UPF2: variants seen among roughly 807,000 people sequenced by gnomAD.
UPF2 encodes the protein regulator of nonsense transcripts 2.
In UPF2, 17 loss-of-function variants were observed where a neutral mutation model predicts 141.4. That is an observed-to-expected ratio of 0.12 (90% CI 0.08 to 0.18). The LOEUF is 0.18. UPF2 is among the 10% of genes least tolerant of loss of function. UPF2 has a pLI of 1.00. For missense variants in UPF2, 1,152 were observed against 1,515.9 expected, an observed-to-expected ratio of 0.76 and a Z score of 3.99; for synonymous variants, 540 against 498.0, an observed-to-expected ratio of 1.08 and a Z score of -1.12.
chr10:12,034,946 C>T, intron 2 of UPF2, 113 bp downstream of exon 2: 1 of 1,430,992 alleles, frequency 7.0e-7, no homozygotes, highest in Non-Finnish European at 9.3e-7. Context: ...TTAAGATACT[C>T]CCAATTCTTA....
At chr10:12,035,770 GTCATTT>G in intron 1 of UPF2, 1 of 177,036 alleles carries the variant, frequency 5.6e-6, no homozygotes. Context: ...AAAACAATAT[GTCATTT>G]AATTGTAAAT....
At position 12,021,796 on chromosome 10, in the gene UPF2, T is replaced by A. The variant is rs1302918275; in HGVS notation, c.1145+6949A>T. ...AAGACCCCAGAAAAACTGCTGGGTT[T>A]TATATCTCCTCCAGCATTCTGTCCA... On this transcript the variant is annotated intron_variant, in intron 3 of 21. Coordinates refer to ENST00000357604, the MANE Select transcript of UPF2 (RefSeq NM_015542.4). Among the ~76,000 whole-genome samples the A allele has an allele frequency of 2.6e-5, 4 of 152,110 alleles. No individual in the cohort carries two copies. In the East Asian group the frequency reaches 7.7e-4, roughly 29 times the overall value.
rs373946522 is a variant in UPF2, at chr10:11,967,819, T to G, written c.1954-365A>C. On this transcript the variant is annotated intron_variant, in intron 9 of 21. Transcript: ENST00000357604. ...ATCCACCCACCACAGCCTCTCAAAG[T>G]GCTGGGATTAGAGGCGTGAGCCACC... is the stretch of plus-strand genomic sequence containing the variant. 6.6e-5 allele frequency among the ~76,000 whole-genome samples: 10 copies of G among 152,290 alleles called. No homozygotes were observed. The East Asian group carries it at 1.9e-3, about 29-fold the overall frequency.
At chr10:12,035,501 A>G (rs1398609344) in intron 1 of UPF2, 60 bp from the exon 2 acceptor site, 2 of 1,454,042 alleles carry the variant, frequency 1.4e-6, no homozygotes, top group Non-Finnish European at 1.8e-6. Flanking sequence ...ATGATATCAC[A>G]CTATTTTTTT....
chr10:12,037,523 G>A (rs913264329), intron 1 of UPF2, among the ~76,000 whole-genome samples: 9 of 150,036 alleles, frequency 6.0e-5, no homozygotes, highest in Non-Finnish European at 1.5e-5. Flanking sequence ...AGCCTCCCAA[G>A]TACCTGAGAT....
chr10:11,967,583 C>A (rs1833342192), intron 9 of UPF2, 129 bp from the exon 10 acceptor site: 4 of 547,016 alleles, frequency 7.3e-6, no homozygotes, highest in Non-Finnish European at 1.2e-5. Context: ...CAGAGTTTCG[C>A]TTGTTACCCA....
At position 12,035,074 on chromosome 10, in the gene UPF2, G is replaced by GCTT. The variant is rs756834742; in HGVS notation, c.347_349dup (p.Glu116dup). On this transcript the variant is annotated inframe_insertion, in exon 2 of 22. Transcript: ENST00000357604. ...ACTGCCTTACTTCATCTGAGCAGCT[G>GCTT]CTTCTTCTTCTTGCTGACGTTTGGC... The GCTT allele has an allele frequency of 9.6e-6, 15 of 1,568,778 alleles. No individual in the cohort carries two copies. In the African/African-American group the frequency reaches 1.8e-4, roughly 19 times the overall value.
intron 10 of UPF2, among the ~76,000 whole-genome samples, chr10:11,966,749 C>T (rs747662787): frequency 1.3e-5 from 2 of 152,156 alleles, no homozygotes; most frequent in African/African-American, 2.4e-5. Flanking sequence ...TACTTCATGG[C>T]TTTGTCAAAA....
chr10:11,923,637 G>A (rs549561471), intron 21 of UPF2, among the ~76,000 whole-genome samples: 6 of 143,268 alleles, frequency 4.2e-5, no homozygotes, highest in South Asian at 2.2e-4. Flanking sequence ...CAGAGATCAC[G>A]CCACTGCACT....
chr10:12,028,764 T>G lies in UPF2; in HGVS notation c.1126A>C (p.Asn376His). Residue 376 changes from asparagine (N) to histidine (H), a missense_variant, in exon 3 of 22, where the codon AAT (asparagine) becomes CAT (histidine). Asn to His is a moderately conservative substitution (Grantham distance 68). Coordinates refer to ENST00000357604, the MANE Select transcript of UPF2 (RefSeq NM_015542.4). ...AATCACCTGTTTTGTCTCTCAGTAT[T>G]CTGGAGCTCCCTGTGGTCCCTTTTC... ...HLKRDHRELQ[N>H]TERQNRRILH... 6.2e-7 allele frequency: 1 copy of G among 1,601,458 alleles called. No individual in the cohort carries two copies. Among genetic ancestry groups the G allele is most frequent in the Non-Finnish European group, 8.5e-7 (1 of 1,175,446 alleles).
At chr10:11,958,818 C>T (rs1030745125) in intron 12 of UPF2, among the ~76,000 whole-genome samples, 1 of 152,126 alleles carries the variant, frequency 6.6e-6, no homozygotes, top group Non-Finnish European at 1.5e-5. Flanking sequence ...GATCATGGGC[C>T]TCTTATAACG....
At chr10:11,962,328 C>T (rs184256882) in intron 11 of UPF2, among the ~76,000 whole-genome samples, 13 of 152,272 alleles carry the variant, frequency 8.5e-5, no homozygotes, top group Non-Finnish European at 1.8e-4. Context: ...GTGCTTCAAA[C>T]CAAACTCATC....
At chr10:11,925,226 G>A (rs942445462) in intron 21 of UPF2, among the ~76,000 whole-genome samples, 1 of 152,116 alleles carries the variant, frequency 6.6e-6, no homozygotes, top group Middle Eastern at 3.2e-3. Flanking sequence ...TATACTTTAG[G>A]AGCATTGACT....
At chr10:11,942,618 A>C (rs376573529) in intron 18 of UPF2, 47 bp downstream of exon 18, 42 of 1,554,434 alleles carry the variant, frequency 2.7e-5, no homozygotes, top group Non-Finnish European at 3.5e-5. Flanking sequence ...AATGGGCTGC[A>C]ATGTTTTGTA....
chr10:11,920,792 A>C lies in UPF2; in HGVS notation c.*506T>G, dbSNP rs1177285844. ...TTTTGTTGTCCTGCATGTAAGTTTT[A>C]CTAGAAGATTTTCCTGCTTGCTCTA... On this transcript the variant is annotated 3_prime_UTR_variant, in exon 22 of 22. Coordinates refer to ENST00000357604, the MANE Select transcript of UPF2 (RefSeq NM_015542.4). 3.4e-6 allele frequency: 1 copy of C among 292,426 alleles called. No individual in the cohort carries two copies. Among genetic ancestry groups the C allele is most frequent in the Non-Finnish European group, 6.8e-6 (1 of 146,548 alleles). The allele number at this position is 292,426 out of a possible 1,614,324, so 18.1% of individuals were successfully genotyped here.
In UPF2 at chr10:11,936,859, T is replaced by G; in HGVS notation, c.3379-147A>C. 1.3e-6 allele frequency: 1 copy of G among 748,906 alleles called. No homozygotes were observed. Among genetic ancestry groups the G allele is most frequent in the Non-Finnish European group, 2.0e-6 (1 of 499,812 alleles). 46.4% of individuals were successfully genotyped at this position (748,906 alleles called of 1,614,324 possible). A position where few individuals can be genotyped will look rare whatever the true frequency, so the allele number is the denominator to read the frequency against. ...CAGTCAACAATTACAACCACCATAA[T>G]ACTCTTTCTGAAACGTGGATAAATC... is the stretch of plus-strand genomic sequence containing the variant. On this transcript the variant is annotated intron_variant, in intron 18 of 21. Transcript: ENST00000357604. This position sits in a 1 kb window ranked among gnomAD's most constrained non-coding sequence, Gnocchi z 6.6.
At chr10:12,034,660 C>T (rs1834589784) in intron 2 of UPF2, among the ~76,000 whole-genome samples, 1 of 152,060 alleles carries the variant, frequency 6.6e-6, no homozygotes, top group South Asian at 2.1e-4. Context: ...CAAAAATTAG[C>T]TGGGCATGAT....
At chr10:11,929,171 G>A (rs1832751670) in intron 21 of UPF2, among the ~76,000 whole-genome samples, 1 of 151,986 alleles carries the variant, frequency 6.6e-6, no homozygotes, top group African/African-American at 2.4e-5. Context: ...TAAGAGCTTA[G>A]GAACAAACTC....
chr10:11,932,148 CAATT>C (rs1174636960), intron 19 of UPF2, among the ~76,000 whole-genome samples: 1 of 145,368 alleles, frequency 6.9e-6, no homozygotes, highest in Non-Finnish European at 1.5e-5. Context: ...GACTCCAACT[CAATT>C]AAAAAAAAAA....
Sources: gnomAD v4.1 joint callset for allele counts (sites outside exome capture counted in the v4.1 genomes callset) on GRCh38, gnomAD v4.1.1 for gene constraint, Gnocchi (gnomAD v3.1) non-coding constraint, MANE v1.5 for transcripts, NCBI Gene and HGNC (gene_info 2026-07-23, HGNC 2026-07-21) for gene names.